Variants in KLHL4 observed in about 807,000 individuals in gnomAD.
KLHL4 encodes the protein kelch-like protein 4.
A neutral mutation model predicts 45.8 loss-of-function variants in KLHL4; 17 were observed. The observed-to-expected ratio is 0.37, with a 90% confidence interval of 0.25 to 0.56. The LOEUF (loss-of-function observed/expected upper bound fraction) is 0.56. Ranked by LOEUF, KLHL4 falls within the 20% of genes least tolerant of loss-of-function variation. The probability of loss-of-function intolerance (pLI) is 0.79; values close to 1 mark genes in which losing one functional copy is unlikely to be tolerated. For missense variants in KLHL4, 544 were observed against 544.9 expected, an observed-to-expected ratio of 1.00 and a Z score of 0.02; for synonymous variants, 224 against 189.9, an observed-to-expected ratio of 1.18 and a Z score of -1.47.
At chrX:87,586,394 C>T (rs1169566148) in intron 1 of KLHL4, among the ~76,000 whole-genome samples, 1 of 111,137 alleles carries the variant, frequency 9.0e-6, no homozygotes, top group African/African-American at 3.3e-5. Flanking sequence ...AGTTTTAAAA[C>T]ATTCAAAAAA....
intron 1 of KLHL4, among the ~76,000 whole-genome samples, chrX:87,539,267 G>A (rs987013681): frequency 9.0e-6 from 1 of 110,692 alleles, no homozygotes; most frequent in African/African-American, 3.3e-5. Context: ...TGCACTTTAT[G>A]AGATGTGGTA....
chrX:87,602,818 T>C (rs770281853), intron 1 of KLHL4, among the ~76,000 whole-genome samples: 45 of 112,014 alleles, frequency 4.0e-4, no homozygotes, highest in Middle Eastern at 4.7e-3. Context: ...TTGAATCCTG[T>C]CTGCTGTTAC....
chrX:87,519,386 T>G (rs1323370800), intron 1 of KLHL4, among the ~76,000 whole-genome samples: 1 of 112,030 alleles, frequency 8.9e-6, no homozygotes, highest in Non-Finnish European at 1.9e-5. Context: ...GTTTTCCCAA[T>G]AAAACAACCT....
intron 1 of KLHL4, among the ~76,000 whole-genome samples, chrX:87,612,287 A>G (rs142038382): frequency 1.8e-5 from 2 of 111,811 alleles, no homozygotes; most frequent in African/African-American, 6.5e-5. Context: ...CTATGCCGGT[A>G]TTCCATTTTT....
At chrX:87,562,308 T>C (rs975288804) in intron 1 of KLHL4, among the ~76,000 whole-genome samples, 1 of 109,808 alleles carries the variant, frequency 9.1e-6, no homozygotes, top group African/African-American at 3.3e-5. Flanking sequence ...AAGCAAACTC[T>C]TAAGATCCCC....
chrX:87,621,285 T>G (rs1259739084), intron 4 of KLHL4, among the ~76,000 whole-genome samples: 2 of 110,344 alleles, frequency 1.8e-5, no homozygotes, highest in African/African-American at 6.6e-5. Flanking sequence ...TATATTTTAT[T>G]TCATTTAAAA....
intron 9 of KLHL4, among the ~76,000 whole-genome samples, chrX:87,662,903 C>A (rs1301175471): frequency 2.1e-5 from 2 of 97,137 alleles, no homozygotes; most frequent in Non-Finnish European, 4.1e-5. Flanking sequence ...GCACTCCAGC[C>A]TGGGAGACAG....
At chrX:87,634,255 A>T (rs1923190300) in intron 8 of KLHL4, among the ~76,000 whole-genome samples, 1 of 111,141 alleles carries the variant, frequency 9.0e-6, no homozygotes, top group Non-Finnish European at 1.9e-5. Context: ...TTACATTATG[A>T]TTTATTTTTA....
intron 9 of KLHL4, among the ~76,000 whole-genome samples, chrX:87,660,044 C>T (rs1924135550): frequency 1.8e-5 from 2 of 111,050 alleles, no homozygotes; most frequent in Non-Finnish European, 3.8e-5. Flanking sequence ...ATCATGTTTC[C>T]TTTTAGAAAA....
chrX:87,584,857 CAAA>C (rs35181676), intron 1 of KLHL4, among the ~76,000 whole-genome samples: 68 of 76,736 alleles, frequency 8.9e-4, no homozygotes, highest in African/African-American at 2.4e-3. Context: ...TATCCGTATC[CAAA>C]AAAAAAAAAA....
chrX:87,600,093 A>G (rs764400492), intron 1 of KLHL4, among the ~76,000 whole-genome samples: 7 of 111,308 alleles, frequency 6.3e-5, no homozygotes, highest in South Asian at 3.8e-4. Flanking sequence ...CCTAGTGGGA[A>G]GTGTTTGGAT....
At chrX:87,539,577 T>C (rs1445297521) in intron 1 of KLHL4, among the ~76,000 whole-genome samples, 1 of 110,796 alleles carries the variant, frequency 9.0e-6, no homozygotes, top group Admixed American at 9.7e-5. Flanking sequence ...ATTATATATA[T>C]ATGTAATTTT....
intron 1 of KLHL4, among the ~76,000 whole-genome samples, chrX:87,520,201 G>T (rs901401972): frequency 8.9e-6 from 1 of 112,074 alleles, no homozygotes; most frequent in African/African-American, 3.2e-5. Context: ...TCCTGTCTTG[G>T]TCCAGCATCA....
chrX:87,603,695 A>T (rs1176474405), intron 1 of KLHL4, among the ~76,000 whole-genome samples: 2 of 111,009 alleles, frequency 1.8e-5, no homozygotes, highest in Non-Finnish European at 3.8e-5. Flanking sequence ...TATATGCATC[A>T]TACATATAAA....
chrX:87,553,175 C>A (rs971758082), intron 1 of KLHL4, among the ~76,000 whole-genome samples: 1 of 110,022 alleles, frequency 9.1e-6, no homozygotes, highest in African/African-American at 3.3e-5. Context: ...TTAGCTCTGG[C>A]GGTTTGTAGT....
intron 1 of KLHL4, 69 bp downstream of exon 1, chrX:87,518,384 A>G: frequency 1.1e-5 from 10 of 894,258 alleles, no homozygotes; most frequent in South Asian, 2.3e-5. Flanking sequence ...ATTCATGTTT[A>G]GTGTTTAAAT....
rs748057545 is a variant in KLHL4 at position 87,526,156 on chromosome X, C to T, written c.422+7841C>T. On this transcript the variant is annotated intron_variant, in intron 1 of 10. Transcript: ENST00000373119. ...GTCCTTTTCTGGTTAATGTTGATTA[C>T]AGTACCTGTAACAAAACTGAAAACA... 4.5e-5 allele frequency among the ~76,000 whole-genome samples: 5 copies of T among 112,156 alleles called. No homozygotes were observed. In the East Asian group the frequency reaches 8.4e-4, roughly 19 times the overall value.
At chrX:87,518,971 A>G (rs956476587) in intron 1 of KLHL4, among the ~76,000 whole-genome samples, 1 of 112,022 alleles carries the variant, frequency 8.9e-6, no homozygotes, top group African/African-American at 3.2e-5. Context: ...ACATAAAATG[A>G]AAATTGAATA....
At chrX:87,644,202 G>A (rs968696605) in intron 9 of KLHL4, among the ~76,000 whole-genome samples, 2 of 111,712 alleles carry the variant, frequency 1.8e-5, no homozygotes, top group Non-Finnish European at 3.8e-5. Context: ...ATTCAGCAAA[G>A]TTTCTGGATA....
Sources: allele counts gnomAD v4.1 joint callset (sites outside exome capture counted in the v4.1 genomes callset), GRCh38; gene constraint gnomAD v4.1.1; transcripts MANE v1.5; gene names NCBI Gene and HGNC (gene_info 2026-07-23, HGNC 2026-07-21).